Variants in NINJ2 observed in about 807,000 individuals in gnomAD.
NINJ2 encodes ninjurin 2.
In NINJ2, 12 loss-of-function variants were observed where a neutral mutation model predicts 11.7. That is an observed-to-expected ratio of 1.02 (90% CI 0.66 to 1.66). The LOEUF is 1.66. Ranked by LOEUF, NINJ2 falls within the 40% of genes most tolerant of loss-of-function variation. The pLI is 0.00. For synonymous variants in NINJ2, 93 were observed against 76.8 expected, an observed-to-expected ratio of 1.21 and a Z score of -1.10; for missense variants, 187 against 181.8, an observed-to-expected ratio of 1.03 and a Z score of -0.16.
chr12:618,453 C>G (rs1205037566), intron 1 of NINJ2, among the ~76,000 whole-genome samples: 1 of 152,096 alleles, frequency 6.6e-6, no homozygotes, highest in South Asian at 2.1e-4. Flanking sequence ...GGCCCAGAGG[C>G]GTTTTAGGAC....
intron 1 of NINJ2, among the ~76,000 whole-genome samples, chr12:634,262 G>GTTTTTTTTTTTTT (rs1565643231): frequency 2.6e-5 from 2 of 75,618 alleles, no homozygotes; most frequent in African/African-American, 4.0e-5. Context: ...ATTAGTTGCA[G>GTTTTTTTTTTTTT]TTCTTTTTTT....
At chr12:643,057 G>A (rs1465750086) in intron 1 of NINJ2, 3 of 153,162 alleles carry the variant, frequency 2.0e-5, no homozygotes, top group Non-Finnish European at 2.9e-5. Flanking sequence ...TCGGCCCGCG[G>A]GCTACGGCCG....
At chr12:613,648 G>A (rs1361739742) in intron 1 of NINJ2, among the ~76,000 whole-genome samples, 4 of 151,950 alleles carry the variant, frequency 2.6e-5, no homozygotes, top group Admixed American at 2.0e-4. Flanking sequence ...GCTCACGCCT[G>A]TAATCCCAGC....
Position 581,062 on chromosome 12 carries a change from C to T in NINJ2, c.34-14884G>A, listed in dbSNP as rs570184810. ...CTGTGTGTGTCTGTGTCTGTGTGTG[C>T]GTGTCTCTGTGCCTCTGTGTGTGTG... is the stretch of plus-strand genomic sequence containing the variant. On this transcript the variant is annotated intron_variant, in intron 1 of 3. Coordinates refer to ENST00000305108, the MANE Select transcript of NINJ2 (RefSeq NM_016533.6). The surrounding 1 kb of genome is among the most constrained non-coding windows in gnomAD (Gnocchi z 4.9). Among the ~76,000 whole-genome samples, 5 of 143,446 alleles carry T rather than the reference C, an allele frequency of 3.5e-5. No homozygotes were observed. Among genetic ancestry groups the T allele is most frequent in the East Asian group, 2.0e-4 (1 of 4,934 alleles). The allele number at this position is 143,446 out of a possible 152,430, so 94.1% of individuals were successfully genotyped here.
Position 580,358 on chromosome 12 carries a change from C to T in NINJ2, c.34-14180G>A, listed in dbSNP as rs1947529610. Among the ~76,000 whole-genome samples, 1 of 152,092 alleles carries T rather than the reference C, an allele frequency of 6.6e-6. No individual in the cohort carries two copies. The highest frequency in any genetic ancestry group is 6.5e-5 in the Admixed American group (1 of 15,270). On this transcript the variant is annotated intron_variant, in intron 1 of 3. Coordinates refer to ENST00000305108, the MANE Select transcript of NINJ2 (RefSeq NM_016533.6). The surrounding 1 kb of genome is among the most constrained non-coding windows in gnomAD (Gnocchi z 4.7). ...ATCCCAGCACTTTGGGAGGCCGAGG[C>T]AGGTGGATCACTTGAGGTCAGGAGT...
intron 1 of NINJ2, among the ~76,000 whole-genome samples, chr12:609,742 G>T (rs947651598): frequency 2.1e-4 from 30 of 143,048 alleles, no homozygotes; most frequent in African/African-American, 7.9e-4. Context: ...CTGCACTCCA[G>T]CCTGGGCAAC....
Position 612,198 on chromosome 12 carries a change from T to A in NINJ2, c.34-46020A>T, listed in dbSNP as rs117439009. Among the ~76,000 whole-genome samples the A allele has an allele frequency of 8.5e-5, 13 of 152,314 alleles. No individual in the cohort carries two copies. In the East Asian group the frequency reaches 1.5e-3, roughly 18 times the overall value. Reference sequence around the variant, plus strand: ...GAGCTACTGTATTATCCCTGGACTGTCTGCACGCAGACTATTACACACAGG... The same window carrying A: ...GAGCTACTGTATTATCCCTGGACTGACTGCACGCAGACTATTACACACAGG... On this transcript the variant is annotated intron_variant, in intron 1 of 3. Coordinates refer to ENST00000305108, the MANE Select transcript of NINJ2 (RefSeq NM_016533.6).
At chr12:576,203 G>A (rs1448201778) in intron 1 of NINJ2, among the ~76,000 whole-genome samples, 1 of 152,222 alleles carries the variant, frequency 6.6e-6, no homozygotes, top group African/African-American at 2.4e-5. Context: ...GCAAACTGGG[G>A]CCTAAAGCTG....
chr12:643,691 C>T (rs917236521), intron 1 of NINJ2: 79 of 987,894 alleles, frequency 8.0e-5, no homozygotes, highest in Non-Finnish European at 9.3e-5. Flanking sequence ...CACGCCTCAC[C>T]GCAACGAGTC....
At chr12:611,271 TTCTC>T (rs925635698) in intron 1 of NINJ2, among the ~76,000 whole-genome samples, 19 of 132,856 alleles carry the variant, frequency 1.4e-4, no homozygotes, top group Non-Finnish European at 2.3e-4. Context: ...CTTTCTTTCT[TTCTC>T]TCTCTCTTTC....
intron 1 of NINJ2, among the ~76,000 whole-genome samples, chr12:603,811 C>A (rs763103025): frequency 1.3e-5 from 2 of 152,006 alleles, no homozygotes. Flanking sequence ...CAGGCACGCA[C>A]CATCACACCT....
chr12:635,432 T>C (rs1948339405), intron 1 of NINJ2, among the ~76,000 whole-genome samples: 1 of 152,200 alleles, frequency 6.6e-6, no homozygotes, highest in Non-Finnish European at 1.5e-5. Context: ...CCCTTGCCTA[T>C]ATGGTAAACT....
At chr12:638,907 T>C (rs548984844) in intron 1 of NINJ2, among the ~76,000 whole-genome samples, 183 of 152,298 alleles carry the variant, frequency 1.2e-3, no homozygotes, top group Middle Eastern at 3.4e-3. Flanking sequence ...TCAATCGGTA[T>C]ATGGGAGGAT....
At position 629,713 on chromosome 12, in the gene NINJ2, C is replaced by A. The variant is rs1457225782; in HGVS notation, c.33+33615G>T. On this transcript the variant is annotated intron_variant, in intron 1 of 3. Transcript: ENST00000305108. ...GACCAGCCTGACCAACATGGAGAAA[C>A]CTCGTCTCTACTAAAAATGCAAAAT... 3.3e-5 allele frequency among the ~76,000 whole-genome samples: 5 copies of A among 150,334 alleles called. No individual in the cohort carries two copies. The East Asian group carries it at 9.8e-4, about 29-fold the overall frequency.
intron 1 of NINJ2, among the ~76,000 whole-genome samples, chr12:622,259 A>C (rs1948161456): frequency 6.6e-6 from 1 of 151,408 alleles, no homozygotes; most frequent in East Asian, 1.9e-4. Flanking sequence ...AAATACAAAA[A>C]ATTAGCCGGG....
At position 628,303 on chromosome 12, in the gene NINJ2, T is replaced by C. The variant is rs941182450; in HGVS notation, c.33+35025A>G. On this transcript the variant is annotated intron_variant, in intron 1 of 3. Coordinates refer to ENST00000305108, the MANE Select transcript of NINJ2 (RefSeq NM_016533.6). This position sits in a 1 kb window ranked among gnomAD's most constrained non-coding sequence, Gnocchi z 4.4. ...CTGAGATCTCTATGAGGAGTCTTCC[T>C]AGAGGGGAAGGGGGAAGCCTCCTCA... 1.3e-5 allele frequency among the ~76,000 whole-genome samples: 2 copies of C among 151,996 alleles called. No homozygotes were observed. Among genetic ancestry groups the C allele is most frequent in the Admixed American group, 1.3e-4 (2 of 15,300 alleles).
chr12:597,991 C>G (rs1471854042), intron 1 of NINJ2, among the ~76,000 whole-genome samples: 1 of 152,210 alleles, frequency 6.6e-6, no homozygotes, highest in African/African-American at 2.4e-5. Context: ...CTTTGTAGCT[C>G]TGGGCTAATT....
At chr12:624,524 T>C (rs185327580) in intron 1 of NINJ2, among the ~76,000 whole-genome samples, 6 of 152,206 alleles carry the variant, frequency 3.9e-5, no homozygotes, top group African/African-American at 9.6e-5. Context: ...AAAAAATATA[T>C]ATGGCCGGGC....
At chr12:630,635 C>T (rs1948268397) in intron 1 of NINJ2, among the ~76,000 whole-genome samples, 1 of 152,252 alleles carries the variant, frequency 6.6e-6, no homozygotes, top group Non-Finnish European at 1.5e-5. Flanking sequence ...CCTCGGCCCC[C>T]CAAAATGCTG....
Sources: allele counts gnomAD v4.1 joint callset (sites outside exome capture counted in the v4.1 genomes callset), GRCh38; gene constraint gnomAD v4.1.1; non-coding constraint Gnocchi (gnomAD v3.1); transcripts MANE v1.5; gene names NCBI Gene and HGNC (gene_info 2026-07-23, HGNC 2026-07-21).